Variants in HM13 observed in about 807,000 individuals in gnomAD.
HM13 encodes signal peptide peptidase.
HM13 carries 18 observed loss-of-function variants against 50.0 expected under a neutral mutation model. The ratio of observed to expected loss-of-function variants is 0.36; its 90% CI spans 0.25 to 0.53. The LOEUF is 0.53. Ranked by LOEUF, HM13 falls within the 20% of genes least tolerant of loss-of-function variation. HM13 has a pLI of 0.90. For synonymous variants in HM13, 197 were observed against 232.6 expected (o/e 0.85, Z 1.39); for missense variants, 393 against 552.4 (o/e 0.71, Z 2.89).
intron 1 of HM13, among the ~76,000 whole-genome samples, chr20:31,522,446 C>T (rs1279521431): frequency 6.6e-6 from 1 of 151,832 alleles, no homozygotes; most frequent in African/African-American, 2.4e-5. Flanking sequence ...CCTATAATCC[C>T]AGCTACTCAG....
At chr20:31,526,657 T>G (rs1228142598) in intron 1 of HM13, among the ~76,000 whole-genome samples, 2 of 152,226 alleles carry the variant, frequency 1.3e-5, no homozygotes, top group African/African-American at 4.8e-5. Context: ...AATTTAATTG[T>G]GGCTTTTATT....
intron 6 of HM13, 94 bp from the exon 7 acceptor site, chr20:31,549,970 C>A: frequency 1.1e-6 from 1 of 931,854 alleles, no homozygotes; most frequent in Non-Finnish European, 1.8e-6. Flanking sequence ...CCCTCAGATC[C>A]CAGGCAGCAG....
At chr20:31,565,339 C>T (rs1049537057) in intron 10 of HM13, among the ~76,000 whole-genome samples, 11 of 151,686 alleles carry the variant, frequency 7.3e-5, no homozygotes, top group Middle Eastern at 3.4e-3. Context: ...ATTAGCCAGG[C>T]GTGGTGGCAG....
intron 1 of HM13, among the ~76,000 whole-genome samples, chr20:31,518,539 G>A (rs976670378): frequency 3.3e-5 from 5 of 151,344 alleles, no homozygotes; most frequent in Admixed American, 6.6e-5. Context: ...CCAGCTACTC[G>A]GGAGGCTGAG....
chr20:31,539,474 A>G (rs899446368), intron 3 of HM13: 9 of 985,488 alleles, frequency 9.1e-6, no homozygotes, highest in Non-Finnish European at 1.1e-5. Flanking sequence ...CATTGAGGGC[A>G]TGGGCAGAAT....
chr20:31,548,145 C>G, intron 4 of HM13: 1 of 833,060 alleles, frequency 1.2e-6, no homozygotes, highest in East Asian at 2.4e-5. Flanking sequence ...TACAATGCCT[C>G]TGTGGTTATG....
intron 2 of HM13, among the ~76,000 whole-genome samples, chr20:31,533,499 C>T (rs183527031): frequency 3.9e-5 from 6 of 152,208 alleles, no homozygotes; most frequent in East Asian, 3.9e-4. Context: ...AGTGAGACTT[C>T]GTCTCAAAAA....
At chr20:31,542,478 C>T (rs925681503) in intron 3 of HM13, among the ~76,000 whole-genome samples, 7 of 152,166 alleles carry the variant, frequency 4.6e-5, no homozygotes, top group South Asian at 4.1e-4. Context: ...ATGACCTTTA[C>T]GTTTGACATG....
chr20:31,547,707 A>G (rs765499674), intron 4 of HM13: 4 of 1,308,520 alleles, frequency 3.1e-6, no homozygotes, highest in Admixed American at 2.2e-5. Context: ...GTGGGGAATT[A>G]TTGTTTTTTA....
In HM13 at chr20:31,538,197, A is replaced by C. The variant is rs777110293; in HGVS notation, c.301A>C (p.Ile101Leu). The change falls in exon 3 of 13, where the codon ATC becomes CTC. Residue 101 changes from isoleucine to leucine, a missense_variant. Ile to Leu is a conservative substitution (Grantham distance 5). This residue lies in a region of HM13 where 214 missense variants were observed against 276.1 expected (regional missense o/e 0.77). Transcript: ENST00000398174. ...GCCTCAGATATTCTCCCAGGAGTAC[A>C]TCAACCTCCTGCTGTCCATGTATTT... ...LFFKIFSQEY[I>L]NLLLSMYFFV... The C allele has an allele frequency of 1.1e-5, 18 of 1,613,866 alleles. No individual in the cohort carries two copies. The highest frequency in any genetic ancestry group is 1.3e-5 in the African/African-American group (1 of 75,030).
intron 2 of HM13, among the ~76,000 whole-genome samples, chr20:31,530,460 G>A (rs1982749689): frequency 1.3e-5 from 2 of 150,926 alleles, no homozygotes; most frequent in South Asian, 4.2e-4. Flanking sequence ...CCAGGCTGGA[G>A]TGCAGTGGCG....
intron 7 of HM13, among the ~76,000 whole-genome samples, chr20:31,551,523 C>T (rs890456574): frequency 6.6e-6 from 1 of 152,206 alleles, no homozygotes; most frequent in Non-Finnish European, 1.5e-5. Flanking sequence ...AAGTCTAAAC[C>T]ATTCACCAGT....
rs1985052930 is a variant in HM13 at position 31,568,341 on chromosome 20, A to G, written c.1181+117A>G. ...GGGACCATTGCCAGGAGTAGGCCGC[A>G]AGAGCAGCTCCTCCACAACCACCAG... On this transcript the variant is annotated intron_variant, in intron 12 of 12. Transcript: ENST00000398174. 3.7e-6 allele frequency: 5 copies of G among 1,364,190 alleles called. No homozygotes were observed. In the South Asian group the frequency reaches 7.7e-5, roughly 21 times the overall value. The allele number at this position is 1,364,190 out of a possible 1,614,324, so 84.5% of individuals were successfully genotyped here.
intron 11 of HM13, among the ~76,000 whole-genome samples, chr20:31,567,254 C>T (rs1379463677): frequency 6.6e-6 from 1 of 152,198 alleles, no homozygotes; most frequent in Non-Finnish European, 1.5e-5. Flanking sequence ...GGCACCCGAT[C>T]CCTGAGCTTA....
chr20:31,556,314 C>T (rs780336369), intron 8 of HM13, among the ~76,000 whole-genome samples: 2 of 152,054 alleles, frequency 1.3e-5, no homozygotes, highest in Non-Finnish European at 2.9e-5. Context: ...GCTGAGATTA[C>T]AGGCATGAGC....
At chr20:31,521,166 A>G (rs866811906) in intron 1 of HM13, among the ~76,000 whole-genome samples, 19 of 152,248 alleles carry the variant, frequency 1.2e-4, no homozygotes, top group African/African-American at 4.6e-4. Context: ...TTGTAACTAC[A>G]AAGATTAGCT....
At chr20:31,550,399 G>A (rs1983980582) in intron 7 of HM13, 3 of 429,484 alleles carry the variant, frequency 7.0e-6, no homozygotes, top group African/African-American at 2.0e-5. Flanking sequence ...CAGCCCGGGG[G>A]GCACGCGCAG....
At chr20:31,551,015 C>T (rs541902248) in intron 7 of HM13, among the ~76,000 whole-genome samples, 16 of 152,130 alleles carry the variant, frequency 1.1e-4, no homozygotes, top group African/African-American at 3.9e-4. Context: ...TGTGTGTGTA[C>T]ATATATAAAA....
At chr20:31,569,094 ATTG>A (rs764709060) in intron 12 of HM13, 23 bp from the exon 13 acceptor site, 43 of 1,429,080 alleles carry the variant, frequency 3.0e-5, no homozygotes, top group Admixed American at 6.3e-5. Context: ...ATGAATTTTT[ATTG>A]TTGTTTTTTT....
Sources: gnomAD v4.1 joint callset for allele counts (sites outside exome capture counted in the v4.1 genomes callset) on GRCh38, gnomAD v4.1.1 for gene constraint, gnomAD v4.1.1 regional missense constraint, MANE v1.5 for transcripts, NCBI Gene and HGNC (gene_info 2026-07-23, HGNC 2026-07-21) for gene names.